Variants in SHCBP1 observed in about 807,000 individuals in gnomAD.
The protein encoded by SHCBP1 is SHC SH2 domain-binding protein 1.
In SHCBP1, 60 loss-of-function variants were observed where a neutral mutation model predicts 75.1. The ratio of observed to expected loss-of-function variants is 0.80; its 90% CI spans 0.65 to 0.99. The LOEUF (loss-of-function observed/expected upper bound fraction) is 0.99. Among genes scored for constraint, SHCBP1 ranks in the 50% least tolerant of loss-of-function variants. The pLI, the probability that SHCBP1 is intolerant of heterozygous loss-of-function variation, is 0.00. For missense variants in SHCBP1, 709 were observed against 809.4 expected (o/e 0.88, Z 1.50); for synonymous variants, 290 against 293.2 (o/e 0.99, Z 0.11).
chr16:46,614,970 A>T (rs1041306748), intron 4 of SHCBP1, among the ~76,000 whole-genome samples: 1 of 152,160 alleles, frequency 6.6e-6, no homozygotes. Flanking sequence ...GATAATTTAC[A>T]CTGAGTGTGC....
At position 46,595,710 on chromosome 16, in the gene SHCBP1, G is replaced by A. The variant is rs553507161; in HGVS notation, c.1346-40C>T. ...CACGCTGACTGTTTTAAGAAGTAATGTGCCTTTTCCAATGTTAGAGATAGC... is the reference window on the plus strand; with the variant it reads ...CACGCTGACTGTTTTAAGAAGTAATATGCCTTTTCCAATGTTAGAGATAGC... On this transcript the variant is annotated intron_variant, in intron 9 of 12. Coordinates refer to ENST00000303383, the MANE Select transcript of SHCBP1 (RefSeq NM_024745.5). The A allele has an allele frequency of 8.7e-6, 13 of 1,496,224 alleles. No homozygotes were observed. In the East Asian group the frequency reaches 1.1e-4, roughly 13 times the overall value. The allele number at this position is 1,496,224 out of a possible 1,614,324, so 92.7% of individuals were successfully genotyped here. A position where few individuals can be genotyped will look rare whatever the true frequency, so the allele number is the denominator to read the frequency against.
In SHCBP1 at chr16:46,604,462, C is replaced by T; in HGVS notation, c.690-1G>A. On this transcript the variant is annotated splice_acceptor_variant, in intron 5 of 12. Transcript: ENST00000303383. LOFTEE classifies it high-confidence loss of function. Reference sequence around the variant, plus strand: ...TCGGTCTTCAAGAATGTCATAATGCCTGAAAGTTTAAAAGCAAAGTGAAAT... The same window carrying T: ...TCGGTCTTCAAGAATGTCATAATGCTTGAAAGTTTAAAAGCAAAGTGAAAT... The T allele has an allele frequency of 3.1e-6, 5 of 1,600,902 alleles. No individual in the cohort carries two copies. Among genetic ancestry groups the T allele is most frequent in the Non-Finnish European group, 4.3e-6 (5 of 1,169,170 alleles).
chr16:46,587,620 C>G (rs966703252), intron 10 of SHCBP1, among the ~76,000 whole-genome samples: 2 of 152,062 alleles, frequency 1.3e-5, no homozygotes, highest in Non-Finnish European at 2.9e-5. Flanking sequence ...TATAACTATC[C>G]TAAATATATA....
At chr16:46,612,272 G>T (rs1001388013) in intron 4 of SHCBP1, among the ~76,000 whole-genome samples, 70 of 152,328 alleles carry the variant, frequency 4.6e-4, no homozygotes, top group Non-Finnish European at 9.0e-4. Flanking sequence ...CAAGAACATG[G>T]AAGTCTTTGA....
At chr16:46,582,114 A>C in intron 12 of SHCBP1, 60 bp from the exon 13 acceptor site, 5 of 1,495,340 alleles carry the variant, frequency 3.3e-6, no homozygotes, top group Non-Finnish European at 4.5e-6. Flanking sequence ...ACAAAAACAT[A>C]TATTTCTACA....
rs1339139186 is a variant in SHCBP1, at chr16:46,579,934, A to G, written c.*1795T>C. On this transcript the variant is annotated 3_prime_UTR_variant, in exon 13 of 13. Transcript: ENST00000303383. ...CAAAGTGAAGCTCCATCTCAAAAAC[A>G]AAACAAAATAAAATAAAAATAAAAT... Among the ~76,000 whole-genome samples the G allele has an allele frequency of 6.6e-6, 1 of 152,018 alleles. No homozygotes were observed. Among genetic ancestry groups the G allele is most frequent in the East Asian group, 1.9e-4 (1 of 5,176 alleles).
chr16:46,619,431 CA>C, intron 1 of SHCBP1, among the ~76,000 whole-genome samples: 1 of 152,198 alleles, frequency 6.6e-6, no homozygotes, highest in East Asian at 1.9e-4. Flanking sequence ...ACTTGACCCA[CA>C]GATGACCAAA....
At chr16:46,583,420 T>G in intron 12 of SHCBP1, 96 bp downstream of exon 12, 1 of 1,328,748 alleles carries the variant, frequency 7.5e-7, no homozygotes, top group Non-Finnish European at 1.0e-6. Flanking sequence ...CCCAACAACC[T>G]TTTTTAAGGA....
At chr16:46,617,365 C>T (rs556769263) in intron 3 of SHCBP1, among the ~76,000 whole-genome samples, 1 of 152,224 alleles carries the variant, frequency 6.6e-6, no homozygotes, top group African/African-American at 2.4e-5. Flanking sequence ...TTTTTTGAAA[C>T]CATTAACTTC....
intron 1 of SHCBP1, 56 bp from the exon 2 acceptor site, chr16:46,618,428 T>C (rs1391728605): frequency 2.7e-5 from 40 of 1,484,636 alleles, no homozygotes; most frequent in South Asian, 5.7e-5. Flanking sequence ...AATGCTTCTA[T>C]TTTCATATCC....
chr16:46,591,859 A>C (rs1033053823), intron 10 of SHCBP1, among the ~76,000 whole-genome samples: 1 of 152,154 alleles, frequency 6.6e-6, no homozygotes, highest in African/African-American at 2.4e-5. Flanking sequence ...ATAATAGTAA[A>C]ACTCCAAATA....
intron 10 of SHCBP1, chr16:46,584,403 G>GAA: frequency 3.6e-5 from 6 of 168,034 alleles, no homozygotes; most frequent in East Asian, 1.4e-4. Context: ...ATTCTGCCAA[G>GAA]AAAAAAAAAA....
chr16:46,621,120 C>G, intron 1 of SHCBP1, 137 bp downstream of exon 1: 1 of 717,726 alleles, frequency 1.4e-6, no homozygotes. Flanking sequence ...GTCACTGGGT[C>G]CCGGCCGCGC....
At chr16:46,608,435 A>G (rs1465526702) in intron 4 of SHCBP1, 46 bp from the exon 5 acceptor site, 2 of 1,341,020 alleles carry the variant, frequency 1.5e-6, no homozygotes, top group Admixed American at 1.7e-5. Flanking sequence ...CTGGCTCAAA[A>G]CATTAGGATT....
chr16:46,592,470 AAG>A (rs1380107975), intron 10 of SHCBP1, among the ~76,000 whole-genome samples: 3 of 152,180 alleles, frequency 2.0e-5, no homozygotes, highest in African/African-American at 7.2e-5. Context: ...AAAATTCCAA[AAG>A]AGAAATCTCC....
chr16:46,621,276 C>G lies in SHCBP1; in HGVS notation c.84G>C (p.Glu28Asp). Residue 28 changes from glutamate to aspartate, a missense_variant, in exon 1 of 13, where the codon GAG (glutamate) becomes GAC (aspartate). Coordinates refer to ENST00000303383, the MANE Select transcript of SHCBP1 (RefSeq NM_024745.5). ...GCTCACCTTTCTCCAGAGACGCCAGCTCCTGCTCCACCGCCCAGCCCATGC... is the reference window on the plus strand; with the variant it reads ...GCTCACCTTTCTCCAGAGACGCCAGGTCCTGCTCCACCGCCCAGCCCATGC... ...PERMGWAVEQ[E>D]LASLEKGLFQ... 2 of 1,609,994 alleles carry G rather than the reference C, an allele frequency of 1.2e-6. No individual in the cohort carries two copies. Among genetic ancestry groups the G allele is most frequent in the Non-Finnish European group, 1.7e-6 (2 of 1,178,816 alleles).
At chr16:46,598,060 A>G (rs1285448401) in intron 9 of SHCBP1, among the ~76,000 whole-genome samples, 1 of 152,176 alleles carries the variant, frequency 6.6e-6, no homozygotes, top group Non-Finnish European at 1.5e-5. Context: ...TGCTATTTCC[A>G]CCACATCTGC....
In SHCBP1 at chr16:46,599,836, A is replaced by T; in HGVS notation, c.1340T>A (p.Ile447Asn). 1 of 1,599,590 alleles carries T rather than the reference A, an allele frequency of 6.3e-7. No individual in the cohort carries two copies. Among genetic ancestry groups the T allele is most frequent in the East Asian group, 2.2e-5 (1 of 44,550 alleles). Residue 447 changes from isoleucine to asparagine, a missense_variant, in exon 9 of 13, where the codon ATC becomes AAC. Transcript: ENST00000303383. Reference sequence around the variant, plus strand: ...CCAAACATTCAGATACTTACTTAAGATTCCCTCTACAGCATCATGCTGAAC... The same window carrying T: ...CCAAACATTCAGATACTTACTTAAGTTTCCCTCTACAGCATCATGCTGAAC... Reference protein sequence around the residue: ...KFVQHDAVEGILIVHRGKTTL... With the variant: ...KFVQHDAVEGNLIVHRGKTTL...
intron 10 of SHCBP1, among the ~76,000 whole-genome samples, chr16:46,592,397 C>T (rs75417861): frequency 6.6e-6 from 1 of 152,078 alleles, no homozygotes; most frequent in East Asian, 1.9e-4. Flanking sequence ...AAAATATACT[C>T]AATATGAAAT....
Sources: gnomAD v4.1 joint callset for allele counts (sites outside exome capture counted in the v4.1 genomes callset) on GRCh38, gnomAD v4.1.1 for gene constraint, MANE v1.5 for transcripts, NCBI Gene and HGNC (gene_info 2026-07-23, HGNC 2026-07-21) for gene names.